Variants in NCKAP5 observed in about 807,000 individuals in gnomAD.
NCKAP5 encodes NCK associated protein 5, also known as nck-associated protein 5.
In NCKAP5, 92 loss-of-function variants were observed where a neutral mutation model predicts 167.0. The observed-to-expected ratio is 0.55, with a 90% CI of 0.47 to 0.66. The LOEUF (loss-of-function observed/expected upper bound fraction) is 0.66. Ranked by LOEUF, NCKAP5 falls within the 30% of genes least tolerant of loss-of-function variation. NCKAP5 has a pLI of 0.00. For synonymous variants in NCKAP5, 891 were observed against 877.4 expected (o/e 1.02, Z -0.27); for missense variants, 2,378 against 2,315.0 (o/e 1.03, Z -0.56).
chr2:133,335,803 A>G (rs1683173163), intron 3 of NCKAP5, among the ~76,000 whole-genome samples: 1 of 152,202 alleles, frequency 6.6e-6, no homozygotes, highest in Admixed American at 6.5e-5. Context: ...AGTAATTAGA[A>G]CTGATATTTT....
chr2:132,804,061 A>AAAACAAACAAACAAAC (rs3043673), intron 11 of NCKAP5, among the ~76,000 whole-genome samples: 2 of 151,884 alleles, frequency 1.3e-5, no homozygotes, highest in Non-Finnish European at 2.9e-5. Flanking sequence ...AAGTCTTTAC[A>AAAACAAACAAACAAAC]AAACAAACAA....
At chr2:132,849,812 T>C (rs148799178) in intron 11 of NCKAP5, among the ~76,000 whole-genome samples, 1 of 152,142 alleles carries the variant, frequency 6.6e-6, no homozygotes, top group African/African-American at 2.4e-5. Flanking sequence ...GTCAGTCCAC[T>C]CCATCTGAAC....
chr2:133,550,496 C>G (rs1334708057), intron 2 of NCKAP5, among the ~76,000 whole-genome samples: 1 of 149,852 alleles, frequency 6.7e-6, no homozygotes, highest in Non-Finnish European at 1.5e-5. Flanking sequence ...AAGACAAAAA[C>G]CACAGGATTA....
At chr2:133,431,350 C>A (rs748554944) in intron 3 of NCKAP5, among the ~76,000 whole-genome samples, 6 of 152,140 alleles carry the variant, frequency 3.9e-5, no homozygotes, top group Non-Finnish European at 7.3e-5. Flanking sequence ...ACTTCCTGTA[C>A]AGAATTAATT....
intron 19 of NCKAP5, among the ~76,000 whole-genome samples, chr2:132,692,174 A>C (rs1307712220): frequency 6.9e-6 from 1 of 144,688 alleles, no homozygotes. Flanking sequence ...ACAGAGTCTC[A>C]CTCTATTGCC....
At chr2:133,546,572 C>A (rs940435151) in intron 2 of NCKAP5, among the ~76,000 whole-genome samples, 10 of 152,132 alleles carry the variant, frequency 6.6e-5, no homozygotes, top group African/African-American at 2.4e-4. Flanking sequence ...TTCAGTGGGG[C>A]TTTGGAAGAG....
At chr2:133,277,361 C>T (rs968916724) in intron 4 of NCKAP5, among the ~76,000 whole-genome samples, 1 of 152,124 alleles carries the variant, frequency 6.6e-6, no homozygotes, top group Admixed American at 6.6e-5. Context: ...CTTTCACAGA[C>T]ATTGATAGTA....
At chr2:133,407,978 C>G (rs1403607959) in intron 3 of NCKAP5, among the ~76,000 whole-genome samples, 1 of 152,146 alleles carries the variant, frequency 6.6e-6, no homozygotes, top group Non-Finnish European at 1.5e-5. Context: ...CAAAGACAGG[C>G]CATATGCCCA....
In NCKAP5 at chr2:132,920,802, T is replaced by C. The variant is rs1370025892; in HGVS notation, c.580-41886A>G. Among the ~76,000 whole-genome samples the C allele has an allele frequency of 2.9e-3, 307 of 105,346 alleles. 20 individuals are homozygous for C. Among genetic ancestry groups the C allele is most frequent in the African/African-American group, 0.011 (275 of 24,724 alleles). The allele number at this position is 105,346 out of a possible 152,430, so 69.1% of individuals were successfully genotyped here. ...ATATATATATATATATATATATATA[T>C]ATATATATATATATATGGAAGAACT... On this transcript the variant is annotated intron_variant, in intron 8 of 19. Transcript: ENST00000409261.
intron 5 of NCKAP5, among the ~76,000 whole-genome samples, chr2:133,208,762 T>C (rs1284027123): frequency 6.6e-6 from 1 of 152,180 alleles, no homozygotes; most frequent in Non-Finnish European, 1.5e-5. Context: ...GGGTAGAAGA[T>C]ACACAAAAAC....
At chr2:132,720,101 C>T (rs572923300) in intron 19 of NCKAP5, among the ~76,000 whole-genome samples, 2 of 152,298 alleles carry the variant, frequency 1.3e-5, no homozygotes, top group East Asian at 3.9e-4. Flanking sequence ...TAGGTCTTCC[C>T]CACTTCCTAC....
chr2:133,006,561 C>A (rs1438788794), intron 6 of NCKAP5, among the ~76,000 whole-genome samples: 3 of 152,252 alleles, frequency 2.0e-5, no homozygotes, highest in Non-Finnish European at 4.4e-5. Flanking sequence ...TTCTCACTGG[C>A]AAACTCACTC....
chr2:132,776,182 C>G (rs567404851), intron 15 of NCKAP5, among the ~76,000 whole-genome samples: 1 of 152,212 alleles, frequency 6.6e-6, no homozygotes, highest in African/African-American at 2.4e-5. Context: ...CAAAGAACTA[C>G]TCTTTCTTAG....
chr2:133,605,470 G>A, the NCKAP5 span, among the ~76,000 whole-genome samples: 10 of 152,248 alleles, frequency 6.6e-5, no homozygotes, highest in East Asian at 1.9e-4. Context: ...ATGAAGACCC[G>A]GGGTGTGTGG....
intron 8 of NCKAP5, among the ~76,000 whole-genome samples, chr2:132,963,262 C>A (rs528856151): frequency 6.6e-6 from 1 of 152,302 alleles, no homozygotes; most frequent in South Asian, 2.1e-4. Context: ...ATGCTTTACA[C>A]ATTTAATTCC....
chr2:133,470,250 G>A (rs1692948636), intron 3 of NCKAP5, among the ~76,000 whole-genome samples: 2 of 152,018 alleles, frequency 1.3e-5, no homozygotes, highest in Non-Finnish European at 2.9e-5. Context: ...TCAGCTGCAG[G>A]TCTGTTGGAA....
At chr2:132,813,510 G>A (rs920331238) in intron 11 of NCKAP5, among the ~76,000 whole-genome samples, 1 of 152,078 alleles carries the variant, frequency 6.6e-6, no homozygotes, top group African/African-American at 2.4e-5. Context: ...GGGAAGTAGG[G>A]GGTCAGTCTA....
intron 5 of NCKAP5, among the ~76,000 whole-genome samples, chr2:133,191,868 T>C (rs1397483875): frequency 4.6e-5 from 7 of 152,008 alleles, no homozygotes; most frequent in South Asian, 2.1e-4. Context: ...TGTATACATA[T>C]GTAACAAACC....
At chr2:133,618,823 A>G in the NCKAP5 span, among the ~76,000 whole-genome samples, 4 of 137,058 alleles carry the variant, frequency 2.9e-5, no homozygotes, top group East Asian at 6.2e-4. Flanking sequence ...CCAAAGGACT[A>G]TAAATCATGC....
Sources: allele counts gnomAD v4.1 joint callset (sites outside exome capture counted in the v4.1 genomes callset), GRCh38; gene constraint gnomAD v4.1.1; transcripts MANE v1.5; gene names NCBI Gene and HGNC (gene_info 2026-07-23, HGNC 2026-07-21).